The following ETV6 variants were observed in gnomAD, a reference collection of about 807,000 sequenced individuals.
ETV6 encodes the protein ETS variant transcription factor 6, also known as transcription factor ETV6.
ETV6 carries 16 observed loss-of-function variants against 51.1 expected under a neutral mutation model. The observed-to-expected ratio is 0.31, with a 90% CI of 0.21 to 0.48. ETV6 has a LOEUF of 0.48. Ranked by LOEUF, ETV6 falls within the 20% of genes least tolerant of loss-of-function variation. The pLI, the probability that ETV6 is intolerant of heterozygous loss-of-function variation, is 0.99. For synonymous variants in ETV6, 240 were observed against 224.1 expected (o/e 1.07, Z -0.64); for missense variants, 458 against 594.8 (o/e 0.77, Z 2.39).
At chr12:11,788,287 G>T (rs1945518918) in intron 2 of ETV6, among the ~76,000 whole-genome samples, 1 of 152,072 alleles carries the variant, frequency 6.6e-6, no homozygotes, top group South Asian at 2.1e-4. Context: ...ACTTTTATGT[G>T]GCTGGTAATT....
At chr12:11,697,431 G>A (rs925788997) in intron 1 of ETV6, among the ~76,000 whole-genome samples, 7 of 152,184 alleles carry the variant, frequency 4.6e-5, no homozygotes, top group African/African-American at 1.4e-4. Context: ...CTCAAGAAAC[G>A]GCTTAAAGGT....
At position 11,891,055 on chromosome 12, in the gene ETV6, A is replaced by G. The variant is rs1239826213; in HGVS notation, c.*9A>G. 4 of 1,602,700 alleles carry G rather than the reference A, an allele frequency of 2.5e-6. No homozygotes were observed. Among genetic ancestry groups the G allele is most frequent in the Non-Finnish European group, 3.4e-6 (4 of 1,169,846 alleles). Reference sequence around the variant, plus strand: ...AAGAAGATGAATGCTGAAGGAACCAACAGTCCACCTCAGCGGGCCAGCAGC... The same window carrying G: ...AAGAAGATGAATGCTGAAGGAACCAGCAGTCCACCTCAGCGGGCCAGCAGC... On this transcript the variant is annotated 3_prime_UTR_variant, in exon 8 of 8. Coordinates refer to ENST00000396373, the MANE Select transcript of ETV6 (RefSeq NM_001987.5).
chr12:11,675,440 C>T (rs75464417), intron 1 of ETV6, among the ~76,000 whole-genome samples: 4,263 of 152,262 alleles, frequency 0.028, 203 homozygotes, highest in African/African-American at 0.097. Context: ...CATGTTGTAT[C>T]CCTCTAAAGT....
At chr12:11,831,425 G>A (rs184504673) in intron 2 of ETV6, among the ~76,000 whole-genome samples, 17 of 152,292 alleles carry the variant, frequency 1.1e-4, no homozygotes, top group East Asian at 1.9e-4. Flanking sequence ...GTGTTTCACC[G>A]TGTTGGCCAG....
At chr12:11,840,559 T>C (rs952428606) in intron 3 of ETV6, 11 of 454,866 alleles carry the variant, frequency 2.4e-5, no homozygotes, top group Non-Finnish European at 4.9e-5. Context: ...CCTGGAGACC[T>C]GCCAGAAGTT....
In ETV6 at chr12:11,884,035, G is replaced by C. The variant is rs80140971; in HGVS notation, c.1010-410G>C. ...TATTTTTTACCACACAGCTCTCTCT[G>C]TAACCATCAGGACCCTCTTTCCACC... On this transcript the variant is annotated intron_variant, in intron 5 of 7. Transcript: ENST00000396373. 3.3e-3 allele frequency among the ~76,000 whole-genome samples: 496 copies of C among 152,154 alleles called. 1 individual carries two copies. Among genetic ancestry groups the C allele is most frequent in the Non-Finnish European group, 5.7e-3 (385 of 67,996 alleles).
At chr12:11,690,718 C>T (rs1220368240) in intron 1 of ETV6, among the ~76,000 whole-genome samples, 2 of 151,990 alleles carry the variant, frequency 1.3e-5, no homozygotes, top group African/African-American at 4.8e-5. Context: ...GAAACCCCAT[C>T]TCTACTAAAA....
intron 2 of ETV6, among the ~76,000 whole-genome samples, chr12:11,819,463 A>T (rs1946044202): frequency 6.6e-6 from 1 of 152,212 alleles, no homozygotes; most frequent in Admixed American, 6.5e-5. Context: ...GGGACTTCCA[A>T]ATATTTTTTA....
At chr12:11,703,988 A>T (rs1208326084) in intron 1 of ETV6, among the ~76,000 whole-genome samples, 4 of 152,238 alleles carry the variant, frequency 2.6e-5, no homozygotes, top group Non-Finnish European at 4.4e-5. Context: ...AGGAAAGACA[A>T]GTTATCTAGT....
intron 1 of ETV6, among the ~76,000 whole-genome samples, chr12:11,650,681 C>T (rs1591584710): frequency 6.6e-6 from 1 of 151,980 alleles, no homozygotes; most frequent in East Asian, 1.9e-4. Context: ...TCCCCCTCGT[C>T]TGATTGTAAT....
At chr12:11,719,723 T>TAA (rs776054096) in intron 1 of ETV6, among the ~76,000 whole-genome samples, 10 of 152,106 alleles carry the variant, frequency 6.6e-5, no homozygotes, top group Non-Finnish European at 1.2e-4. Context: ...GTCTGTGCAT[T>TAA]AAAATCCAGC....
At chr12:11,885,779 C>T (rs1009910114) in intron 6 of ETV6, 147 bp from the exon 7 acceptor site, 4 of 598,792 alleles carry the variant, frequency 6.7e-6, no homozygotes, top group Admixed American at 3.0e-5. Flanking sequence ...TGGAAGGCAG[C>T]CGATTAGCAG....
intron 1 of ETV6, among the ~76,000 whole-genome samples, chr12:11,667,537 CT>C (rs1555111943): frequency 2.2e-5 from 3 of 135,616 alleles, no homozygotes; most frequent in Non-Finnish European, 3.1e-5. Flanking sequence ...GGTTTATTTT[CT>C]TTTTTTTTTT....
intron 2 of ETV6, among the ~76,000 whole-genome samples, chr12:11,777,885 T>C (rs143795010): frequency 6.6e-6 from 1 of 152,240 alleles, no homozygotes; most frequent in Non-Finnish European, 1.5e-5. Flanking sequence ...TCCAAGGTGC[T>C]CTCAACTTCC....
intron 5 of ETV6, among the ~76,000 whole-genome samples, chr12:11,881,793 C>T (rs866596170): frequency 1.4e-4 from 21 of 152,308 alleles, no homozygotes; most frequent in Middle Eastern, 3.4e-3. Flanking sequence ...GGGAAAAAGA[C>T]ACTTTGCCAC....
intron 1 of ETV6, among the ~76,000 whole-genome samples, chr12:11,724,686 A>C (rs148723881): frequency 6.6e-6 from 1 of 152,314 alleles, no homozygotes; most frequent in East Asian, 1.9e-4. Context: ...GAAAAATAAT[A>C]AGCCTTAGAG....
At chr12:11,735,755 C>T (rs1405126376) in intron 1 of ETV6, among the ~76,000 whole-genome samples, 10 of 152,168 alleles carry the variant, frequency 6.6e-5, no homozygotes, top group Admixed American at 1.3e-4. Context: ...CCCGCCAGTA[C>T]GCCTGGCTAA....
At chr12:11,817,379 G>A (rs758020690) in intron 2 of ETV6, among the ~76,000 whole-genome samples, 24 of 152,176 alleles carry the variant, frequency 1.6e-4, no homozygotes, top group Admixed American at 5.9e-4. Flanking sequence ...TATTATGAAA[G>A]CTCAAGAAAT....
At chr12:11,682,167 A>ATTTAT (rs1325935093) in intron 1 of ETV6, among the ~76,000 whole-genome samples, 2 of 152,194 alleles carry the variant, frequency 1.3e-5, no homozygotes, top group Admixed American at 6.5e-5. Context: ...GGTTGAACTA[A>ATTTAT]TTTACACTCC....
Sources: gnomAD v4.1 joint callset for allele counts (sites outside exome capture counted in the v4.1 genomes callset) on GRCh38, gnomAD v4.1.1 for gene constraint, MANE v1.5 for transcripts, NCBI Gene and HGNC (gene_info 2026-07-23, HGNC 2026-07-21) for gene names.